Variants in FAF2 observed in about 807,000 individuals in gnomAD.
FAF2 encodes the protein Fas associated factor family member 2.
Under a neutral mutation model 62.3 loss-of-function variants are expected in FAF2, and 9 were observed. That is an observed-to-expected ratio of 0.14 (90% CI 0.09 to 0.25). The LOEUF is 0.25. FAF2 is among the 10% of genes least tolerant of loss of function. The pLI, the probability that FAF2 is intolerant of heterozygous loss-of-function variation, is 1.00. For missense variants in FAF2, 368 were observed against 556.2 expected (o/e 0.66, Z 3.40); for synonymous variants, 202 against 198.0 (o/e 1.02, Z -0.17).
chr5:176,495,334 C>G (rs1433827203), intron 7 of FAF2, among the ~76,000 whole-genome samples: 5 of 152,128 alleles, frequency 3.3e-5, no homozygotes, highest in Non-Finnish European at 7.4e-5. Flanking sequence ...CATCCAAATT[C>G]CTGCATGCGT....
At position 176,494,119 on chromosome 5, in the gene FAF2, ACT is replaced by A. The variant is rs768920672; in HGVS notation, c.569+38_569+39del. 3.1e-6 allele frequency: 5 copies of A among 1,610,114 alleles called. No homozygotes were observed. The South Asian group carries it at 5.5e-5, about 18-fold the overall frequency. ...TTGATTATTTTCCTTCTCTTTTCTG[ACT>A]CTTTCTGGTGACAGTTTATAGTCAG... On this transcript the variant is annotated intron_variant, in intron 6 of 10. Transcript: ENST00000261942. This position sits in a 1 kb window ranked among gnomAD's most constrained non-coding sequence, Gnocchi z 4.0.
At chr5:176,469,737 T>G (rs1399249612) in intron 1 of FAF2, among the ~76,000 whole-genome samples, 1 of 152,212 alleles carries the variant, frequency 6.6e-6, no homozygotes, top group Non-Finnish European at 1.5e-5. Context: ...AGTGCTATTT[T>G]AATAGTGAAA....
rs548406903 is a variant in FAF2, at chr5:176,505,703, G to A, written c.1156-1065G>A. ...AGCTTAGCTCCCACATATCAGTGAG[G>A]ACATATAATGTTTGATTTTCCATTT... On this transcript the variant is annotated intron_variant, in intron 10 of 10. Transcript: ENST00000261942. Among the ~76,000 whole-genome samples, 260 of 152,264 alleles carry A rather than the reference G, an allele frequency of 1.7e-3. 1 individual carries two copies. Among genetic ancestry groups the A allele is most frequent in the African/African-American group, 6.1e-3 (255 of 41,554 alleles).
intron 10 of FAF2, among the ~76,000 whole-genome samples, chr5:176,504,247 G>A (rs1461584940): frequency 2.0e-5 from 3 of 152,046 alleles, no homozygotes; most frequent in African/African-American, 4.8e-5. Flanking sequence ...AGGCCGAGAC[G>A]GGTGGGTCAC....
intron 2 of FAF2, among the ~76,000 whole-genome samples, chr5:176,483,081 G>A (rs1758809957): frequency 6.6e-6 from 1 of 151,370 alleles, no homozygotes; most frequent in Non-Finnish European, 1.5e-5. Flanking sequence ...TTGAGAGATG[G>A]AGTCTTGGTT....
intron 1 of FAF2, among the ~76,000 whole-genome samples, chr5:176,449,620 T>C (rs1383137090): frequency 6.6e-6 from 1 of 152,040 alleles, no homozygotes; most frequent in African/African-American, 2.4e-5. Flanking sequence ...GGAGATCAAA[T>C]GGACATATGG....
chr5:176,471,058 C>G (rs1482110631), intron 1 of FAF2, among the ~76,000 whole-genome samples: 1 of 152,194 alleles, frequency 6.6e-6, no homozygotes, highest in Non-Finnish European at 1.5e-5. Context: ...ATGAGTACAC[C>G]TTAATATTTC....
intron 1 of FAF2, among the ~76,000 whole-genome samples, chr5:176,473,702 G>A (rs796427388): frequency 7.9e-5 from 12 of 152,130 alleles, no homozygotes; most frequent in Non-Finnish European, 2.9e-5. Flanking sequence ...TATATCATGC[G>A]TATTTATTTT....
chr5:176,490,380 A>G (rs942987370), intron 4 of FAF2, among the ~76,000 whole-genome samples: 7 of 152,056 alleles, frequency 4.6e-5, no homozygotes, highest in Non-Finnish European at 8.8e-5. Context: ...GGCTTGGGTT[A>G]TCTGGTCCAG....
rs777785715 is a variant in FAF2, at chr5:176,505,185, A to G, written c.1156-1583A>G. The stretch of plus-strand genomic sequence containing the variant: ...AAAAAGGAAAAATAACTTGAATGGT[A>G]TGTTCGTCATCTTTGGGGTTGATCT... On this transcript the variant is annotated intron_variant, in intron 10 of 10. Coordinates refer to ENST00000261942, the MANE Select transcript of FAF2 (RefSeq NM_014613.3). Among the ~76,000 whole-genome samples, 39 of 152,220 alleles carry G rather than the reference A, an allele frequency of 2.6e-4. 1 individual carries two copies. Among genetic ancestry groups the G allele is most frequent in the Non-Finnish European group, 5.3e-4 (36 of 68,048 alleles).
At chr5:176,460,556 T>TGTA (rs1581469023) in intron 1 of FAF2, among the ~76,000 whole-genome samples, 2 of 98,206 alleles carry the variant, frequency 2.0e-5, no homozygotes, top group Non-Finnish European at 2.3e-5. Flanking sequence ...GTGTGTGTAT[T>TGTA]TTTTTTTTCC....
chr5:176,495,753 C>T (rs563297062), intron 7 of FAF2, among the ~76,000 whole-genome samples: 2 of 151,852 alleles, frequency 1.3e-5, no homozygotes, highest in African/African-American at 4.8e-5. Context: ...CTCAAGTGAT[C>T]CAACCACCTC....
Position 176,487,858 on chromosome 5 carries a change from T to C in FAF2, c.268-1093T>C, listed in dbSNP as rs1421992860. Reference sequence around the variant, plus strand: ...AGGTTTTTATGTTTGTTTGTTTTGTTTTGGGACAGAATCTCCCTCTGTTGC... The same window carrying C: ...AGGTTTTTATGTTTGTTTGTTTTGTCTTGGGACAGAATCTCCCTCTGTTGC... On this transcript the variant is annotated intron_variant, in intron 3 of 10. Coordinates refer to ENST00000261942, the MANE Select transcript of FAF2 (RefSeq NM_014613.3). Among the ~76,000 whole-genome samples, 5 of 152,090 alleles carry C rather than the reference T, an allele frequency of 3.3e-5. No individual in the cohort carries two copies. In the East Asian group the frequency reaches 9.6e-4, roughly 29 times the overall value.
intron 1 of FAF2, among the ~76,000 whole-genome samples, chr5:176,454,383 G>A (rs376160931): frequency 2.6e-5 from 4 of 150,998 alleles, no homozygotes; most frequent in African/African-American, 9.8e-5. Flanking sequence ...AACAGAGTGC[G>A]ACTCCGTCTC....
At chr5:176,473,991 C>T (rs1391792071) in intron 1 of FAF2, among the ~76,000 whole-genome samples, 2 of 152,188 alleles carry the variant, frequency 1.3e-5, no homozygotes, top group African/African-American at 2.4e-5. Flanking sequence ...CTCCAAGGAG[C>T]CCTGATTCTT....
intron 1 of FAF2, among the ~76,000 whole-genome samples, chr5:176,450,801 C>CGGAT (rs1758152899): frequency 6.6e-6 from 1 of 152,148 alleles, no homozygotes; most frequent in African/African-American, 2.4e-5. Flanking sequence ...GATCCGCCCT[C>CGGAT]CTCGGCTGGG....
At chr5:176,506,035 G>A (rs1486248802) in intron 10 of FAF2, among the ~76,000 whole-genome samples, 5 of 151,528 alleles carry the variant, frequency 3.3e-5, no homozygotes, top group African/African-American at 7.3e-5. Flanking sequence ...CTAAAAATAC[G>A]AAAAAATTAG....
At chr5:176,450,795 C>G (rs539937458) in intron 1 of FAF2, among the ~76,000 whole-genome samples, 1 of 152,140 alleles carries the variant, frequency 6.6e-6, no homozygotes, top group African/African-American at 2.4e-5. Flanking sequence ...CCTCGTGATC[C>G]GCCCTCCTCG....
chr5:176,471,715 CTCTG>C (rs1194305571), intron 1 of FAF2, among the ~76,000 whole-genome samples: 5 of 127,200 alleles, frequency 3.9e-5, no homozygotes, highest in East Asian at 5.0e-4. Flanking sequence ...TGGAGTCTCA[CTCTG>C]TCTGTCACCT....
Sources: allele counts gnomAD v4.1 joint callset (sites outside exome capture counted in the v4.1 genomes callset), GRCh38; gene constraint gnomAD v4.1.1; non-coding constraint Gnocchi (gnomAD v3.1); transcripts MANE v1.5; gene names NCBI Gene and HGNC (gene_info 2026-07-23, HGNC 2026-07-21).